Variants in KLHL1 observed in about 807,000 individuals in gnomAD.
The protein encoded by KLHL1 is kelch-like protein 1.
In KLHL1, 47 loss-of-function variants were observed where a neutral mutation model predicts 77.7. The ratio of observed to expected loss-of-function variants is 0.60; its 90% CI spans 0.48 to 0.77. The LOEUF is 0.77. Among genes scored for constraint, KLHL1 ranks in the 30% least tolerant of loss-of-function variants. KLHL1 has a pLI of 0.00. For synonymous variants in KLHL1, 360 were observed against 325.2 expected (o/e 1.11, Z -1.15); for missense variants, 925 against 910.8 (o/e 1.02, Z -0.20).
At chr13:69,990,318 C>A (rs969104980) in intron 1 of KLHL1, among the ~76,000 whole-genome samples, 2 of 151,952 alleles carry the variant, frequency 1.3e-5, no homozygotes, top group Admixed American at 6.6e-5. Context: ...CTACACATAT[C>A]AATACTACCC....
At chr13:70,088,106 A>G (rs2137438363) in intron 1 of KLHL1, among the ~76,000 whole-genome samples, 1 of 152,300 alleles carries the variant, frequency 6.6e-6, no homozygotes, top group Middle Eastern at 3.4e-3. Flanking sequence ...TTTTAAAAGA[A>G]GCTCAAACAC....
intron 1 of KLHL1, among the ~76,000 whole-genome samples, chr13:70,020,810 T>C (rs1885771143): frequency 6.6e-6 from 1 of 152,100 alleles, no homozygotes; most frequent in Non-Finnish European, 1.5e-5. Flanking sequence ...TATGCATACA[T>C]ACACATACAC....
At chr13:69,737,601 G>C (rs1368671699) in intron 8 of KLHL1, among the ~76,000 whole-genome samples, 2 of 152,184 alleles carry the variant, frequency 1.3e-5, no homozygotes, top group East Asian at 3.9e-4. Context: ...TTCTCACAGG[G>C]GAACACAGTG....
At chr13:69,852,324 C>T (rs924723776) in intron 5 of KLHL1, among the ~76,000 whole-genome samples, 7 of 151,918 alleles carry the variant, frequency 4.6e-5, no homozygotes, top group African/African-American at 1.7e-4. Context: ...ACTTCTCCCA[C>T]ATTTTATTTC....
At chr13:69,772,426 A>G (rs1566234056) in intron 7 of KLHL1, among the ~76,000 whole-genome samples, 1 of 152,146 alleles carries the variant, frequency 6.6e-6, no homozygotes, top group African/African-American at 2.4e-5. Context: ...AGAAGTACTT[A>G]AAATTTGACA....
chr13:69,788,738 A>G (rs958014163), intron 7 of KLHL1, among the ~76,000 whole-genome samples: 6 of 152,144 alleles, frequency 3.9e-5, no homozygotes, highest in African/African-American at 1.4e-4. Flanking sequence ...TGTATAAATA[A>G]TATTAAGCAA....
At chr13:70,024,055 G>A (rs538963882) in intron 1 of KLHL1, among the ~76,000 whole-genome samples, 21 of 151,932 alleles carry the variant, frequency 1.4e-4, no homozygotes, top group African/African-American at 5.1e-4. Context: ...AAATGTATTA[G>A]GGTGTTTTAA....
In KLHL1 at chr13:70,022,072, A is replaced by AT. The variant is rs35694317; in HGVS notation, c.498-46271dup. ...CATTGCCAAACCCAAAGTCACTTTG[A>AT]TTTTCTCCTTTTTTCTTCTAGGAGA... On this transcript the variant is annotated intron_variant, in intron 1 of 10. Coordinates refer to ENST00000377844, the MANE Select transcript of KLHL1 (RefSeq NM_020866.3). 6.4e-3 allele frequency among the ~76,000 whole-genome samples: 964 copies of AT among 151,728 alleles called. 9 individuals carry two copies. Among genetic ancestry groups the AT allele is most frequent in the African/African-American group, 0.022 (909 of 41,388 alleles).
intron 6 of KLHL1, among the ~76,000 whole-genome samples, chr13:69,829,085 T>A (rs1202267666): frequency 2.0e-5 from 3 of 150,610 alleles, no homozygotes; most frequent in Non-Finnish European, 2.9e-5. Context: ...TATCAGCTGA[T>A]GCTCTCTTGA....
intron 5 of KLHL1, among the ~76,000 whole-genome samples, chr13:69,847,024 G>A (rs1424309): frequency 0.2 from 30,398 of 151,148 alleles, 3,947 homozygotes; most frequent in South Asian, 0.33. Flanking sequence ...TCTTCTTTCT[G>A]TAAAAATTAT....
At chr13:69,708,745 G>T (rs755604095) in intron 9 of KLHL1, among the ~76,000 whole-genome samples, 1 of 151,910 alleles carries the variant, frequency 6.6e-6, no homozygotes, top group Non-Finnish European at 1.5e-5. Flanking sequence ...CCGTACCTTT[G>T]CCTTTGGCCC....
chr13:69,946,027 T>C (rs116032745), intron 3 of KLHL1, among the ~76,000 whole-genome samples: 5 of 152,252 alleles, frequency 3.3e-5, no homozygotes, highest in African/African-American at 4.8e-5. Context: ...TGAAATACCA[T>C]GGTTACTTAT....
At chr13:69,975,297 T>C (rs935698152) in intron 2 of KLHL1, among the ~76,000 whole-genome samples, 1 of 152,086 alleles carries the variant, frequency 6.6e-6, no homozygotes, top group Non-Finnish European at 1.5e-5. Flanking sequence ...AAAATTAGTA[T>C]GACTGTGAAT....
At chr13:69,948,268 CG>C (rs1883594570) in intron 3 of KLHL1, among the ~76,000 whole-genome samples, 1 of 151,936 alleles carries the variant, frequency 6.6e-6, no homozygotes, top group Admixed American at 6.6e-5. Context: ...CAGGAAAGCA[CG>C]TAGCAGAAGA....
intron 7 of KLHL1, among the ~76,000 whole-genome samples, chr13:69,787,269 G>C (rs936228105): frequency 4.6e-5 from 7 of 152,056 alleles, no homozygotes; most frequent in Non-Finnish European, 8.8e-5. Flanking sequence ...ATACTACAAG[G>C]CTACAGTAAC....
chr13:69,809,821 A>T (rs1877786464), intron 6 of KLHL1, among the ~76,000 whole-genome samples: 1 of 152,058 alleles, frequency 6.6e-6, no homozygotes, highest in Non-Finnish European at 1.5e-5. Flanking sequence ...CTGATGTGTA[A>T]TGAGAGCCAT....
At chr13:70,094,222 C>T (rs571937663) in intron 1 of KLHL1, among the ~76,000 whole-genome samples, 86 of 151,950 alleles carry the variant, frequency 5.7e-4, no homozygotes, top group African/African-American at 9.7e-4. Flanking sequence ...CGCAGCTACT[C>T]GGCTGAGGTG....
intron 2 of KLHL1, among the ~76,000 whole-genome samples, chr13:69,964,330 C>T (rs1028132762): frequency 1.3e-5 from 2 of 152,166 alleles, no homozygotes; most frequent in Non-Finnish European, 2.9e-5. Context: ...GCATGAGACA[C>T]TGCACCCAGA....
chr13:70,079,494 T>A (rs1190966432), intron 1 of KLHL1, among the ~76,000 whole-genome samples: 2 of 152,208 alleles, frequency 1.3e-5, no homozygotes. Context: ...AAATTACTTA[T>A]TTTGATAATA....
Sources: gnomAD v4.1 joint callset for allele counts (sites outside exome capture counted in the v4.1 genomes callset) on GRCh38, gnomAD v4.1.1 for gene constraint, MANE v1.5 for transcripts, NCBI Gene and HGNC (gene_info 2026-07-23, HGNC 2026-07-21) for gene names.